Variants in LRRC4C observed in about 807,000 individuals in gnomAD.
LRRC4C encodes leucine-rich repeat-containing protein 4C.
In LRRC4C, 5 loss-of-function variants were observed where a neutral mutation model predicts 33.6. The ratio of observed to expected loss-of-function variants is 0.15; its 90% CI spans 0.08 to 0.31. LRRC4C has a LOEUF of 0.31. Among genes scored for constraint, LRRC4C ranks in the 10% least tolerant of loss-of-function variants. The pLI is 1.00. For synonymous variants in LRRC4C, 329 were observed against 302.0 expected (o/e 1.09, Z -0.93); for missense variants, 560 against 796.7 (o/e 0.70, Z 3.58).
rs562785410 is a variant in LRRC4C at position 40,984,893 on chromosome 11, C to CTTTT, written c.-495-51174_-495-51171dup. Among the ~76,000 whole-genome samples the CTTTT allele has an allele frequency of 1.4e-3, 73 of 52,262 alleles. 21 individuals are homozygous for CTTTT. The highest frequency in any genetic ancestry group is 3.9e-3 in the African/African-American group (61 of 15,844). 34.3% of individuals were successfully genotyped at this position (52,262 alleles called of 152,430 possible). Reference sequence around the variant, plus strand: ...CACGACAACTCTGTTCTCACTGACACTTTTTTTTTTTTTTTTTTTTTTTTT... The same window carrying CTTTT: ...CACGACAACTCTGTTCTCACTGACACTTTTTTTTTTTTTTTTTTTTTTTTTTTTT... On this transcript the variant is annotated intron_variant, in intron 1 of 6. Transcript: ENST00000528697.
chr11:40,748,765 T>A (rs1948548318), intron 2 of LRRC4C, among the ~76,000 whole-genome samples: 1 of 152,040 alleles, frequency 6.6e-6, no homozygotes. Flanking sequence ...CACATATAGA[T>A]TGAAAGTAAA....
chr11:41,072,631 A>C (rs1162116066), intron 1 of LRRC4C, among the ~76,000 whole-genome samples: 1 of 152,090 alleles, frequency 6.6e-6, no homozygotes, highest in Non-Finnish European at 1.5e-5. Context: ...TAAGTCAATG[A>C]GACCTCATTT....
At chr11:40,850,660 C>T (rs1045535214) in intron 2 of LRRC4C, among the ~76,000 whole-genome samples, 2 of 152,216 alleles carry the variant, frequency 1.3e-5, no homozygotes, top group African/African-American at 4.8e-5. Context: ...GAGCACTGTG[C>T]TGGGAGATCC....
chr11:41,000,532 T>C (rs1007081818), intron 1 of LRRC4C, among the ~76,000 whole-genome samples: 4 of 152,154 alleles, frequency 2.6e-5, no homozygotes, highest in Non-Finnish European at 5.9e-5. Flanking sequence ...TACTTCATAA[T>C]GTAAAAATTT....
intron 2 of LRRC4C, among the ~76,000 whole-genome samples, chr11:40,840,737 T>A (rs7929424): frequency 0.049 from 7,455 of 152,164 alleles, 463 homozygotes; most frequent in African/African-American, 0.14. Flanking sequence ...TTTAGAGAGT[T>A]TAGAAAAGAA....
At chr11:40,401,305 C>A (rs1949750071) in intron 3 of LRRC4C, among the ~76,000 whole-genome samples, 1 of 151,982 alleles carries the variant, frequency 6.6e-6, no homozygotes, top group African/African-American at 2.4e-5. Flanking sequence ...ACATCTGAAT[C>A]TGCCTTTCGA....
intron 2 of LRRC4C, among the ~76,000 whole-genome samples, chr11:40,803,394 A>G (rs1951116831): frequency 6.6e-6 from 1 of 152,160 alleles, no homozygotes; most frequent in Non-Finnish European, 1.5e-5. Flanking sequence ...CCAAACAAAG[A>G]AACATGGCTT....
rs189413227 is a variant in LRRC4C at position 41,045,131 on chromosome 11, A to T, written c.-495-111408T>A. Reference sequence around the variant, plus strand: ...CTGGCCAGGAATATACGTTGATGTCATTTAATCTCATTCATTTTATGATAA... The same window carrying T: ...CTGGCCAGGAATATACGTTGATGTCTTTTAATCTCATTCATTTTATGATAA... On this transcript the variant is annotated intron_variant, in intron 1 of 6. Transcript: ENST00000528697. Among the ~76,000 whole-genome samples the T allele has an allele frequency of 3.3e-5, 5 of 152,098 alleles. No individual in the cohort carries two copies. In the East Asian group the frequency reaches 9.7e-4, roughly 29 times the overall value.
At chr11:40,739,928 T>A (rs890157768) in intron 2 of LRRC4C, among the ~76,000 whole-genome samples, 3 of 151,886 alleles carry the variant, frequency 2.0e-5, no homozygotes, top group African/African-American at 7.2e-5. Flanking sequence ...GTATATATAT[T>A]ATACAATCAA....
intron 2 of LRRC4C, among the ~76,000 whole-genome samples, chr11:40,680,471 C>T (rs751505437): frequency 5.3e-5 from 8 of 152,128 alleles, no homozygotes; most frequent in Non-Finnish European, 1.0e-4. Context: ...CTTGTAGCTC[C>T]CATAAGTCCC....
chr11:40,652,592 A>T (rs1394885836), intron 2 of LRRC4C, among the ~76,000 whole-genome samples: 1 of 152,202 alleles, frequency 6.6e-6, no homozygotes, highest in African/African-American at 2.4e-5. Context: ...CATTTAATAG[A>T]TGGAAAACAA....
intron 1 of LRRC4C, among the ~76,000 whole-genome samples, chr11:41,267,032 T>C (rs1432986153): frequency 6.6e-6 from 1 of 152,146 alleles, no homozygotes. Context: ...CATCATGGAC[T>C]GGGCTAGACC....
intron 2 of LRRC4C, among the ~76,000 whole-genome samples, chr11:40,671,690 A>ATGTGTGTGTAGTATATATATATGTG (rs10644064): frequency 6.7e-6 from 1 of 149,126 alleles, no homozygotes; most frequent in Non-Finnish European, 1.5e-5. Context: ...GTATATATAT[A>ATGTGTGTGTAGTATATATATATGTG]TGTGTGTATA....
intron 3 of LRRC4C, among the ~76,000 whole-genome samples, chr11:40,534,078 T>C (rs1370700314): frequency 6.6e-6 from 1 of 152,152 alleles, no homozygotes; most frequent in African/African-American, 2.4e-5. Flanking sequence ...CACCACTTAT[T>C]AGATAAGTGA....
intron 1 of LRRC4C, among the ~76,000 whole-genome samples, chr11:41,091,381 G>A (rs1486832575): frequency 6.6e-6 from 1 of 151,922 alleles, no homozygotes; most frequent in African/African-American, 2.4e-5. Context: ...ACACTAAGCA[G>A]TAAACAAATT....
chr11:40,272,585 T>TTATTTTACA (rs1290401655), intron 4 of LRRC4C, among the ~76,000 whole-genome samples: 2 of 152,080 alleles, frequency 1.3e-5, no homozygotes, highest in African/African-American at 2.4e-5. Context: ...TTTTTTCACT[T>TTATTTTACA]TATTTTACAT....
At chr11:40,751,136 A>G (rs1167021709) in intron 2 of LRRC4C, among the ~76,000 whole-genome samples, 1 of 152,150 alleles carries the variant, frequency 6.6e-6, no homozygotes, top group Non-Finnish European at 1.5e-5. Flanking sequence ...TAAAGGCTAT[A>G]TATGACAAAC....
rs185810755 is a variant in LRRC4C, at chr11:41,341,193, C to T, written c.-496+118238G>A. On this transcript the variant is annotated intron_variant, in intron 1 of 6. Transcript: ENST00000528697. ...AGGATGTTACTTAAGAAAACAAGTA[C>T]CAGAGAAAAAGACTGATAGCTCTCT... 3.9e-5 allele frequency among the ~76,000 whole-genome samples: 6 copies of T among 152,080 alleles called. No individual in the cohort carries two copies. In the East Asian group the frequency reaches 1.2e-3, roughly 30 times the overall value.
At chr11:40,986,236 G>T (rs1439739069) in intron 1 of LRRC4C, among the ~76,000 whole-genome samples, 2 of 152,086 alleles carry the variant, frequency 1.3e-5, no homozygotes, top group East Asian at 3.9e-4. Context: ...TGGAGTGGGG[G>T]AAAAAGTTGG....
Sources: gnomAD v4.1 joint callset for allele counts (sites outside exome capture counted in the v4.1 genomes callset) on GRCh38, gnomAD v4.1.1 for gene constraint, MANE v1.5 for transcripts, NCBI Gene and HGNC (gene_info 2026-07-23, HGNC 2026-07-21) for gene names.